The following SWT1 variants were observed in gnomAD, a reference collection of about 807,000 sequenced individuals.
The protein encoded by SWT1 is transcriptional protein SWT1.
A neutral mutation model predicts 107.3 loss-of-function variants in SWT1; 33 were observed. That is an observed-to-expected ratio of 0.31 (90% confidence interval 0.23 to 0.41). The LOEUF (loss-of-function observed/expected upper bound fraction) is 0.41, where lower values mean the gene tolerates loss of function less well. SWT1 is among the 10% of genes least tolerant of loss of function. The pLI is 1.00. For synonymous variants in SWT1, 345 were observed against 348.3 expected (o/e 0.99, Z 0.11); for missense variants, 898 against 1,028.9 (o/e 0.87, Z 1.74).
intron 9 of SWT1, among the ~76,000 whole-genome samples, chr1:185,185,226 G>A (rs1270373895): frequency 6.6e-6 from 1 of 152,118 alleles, no homozygotes; most frequent in African/African-American, 2.4e-5. Context: ...TACCATTGCT[G>A]AGTGATGAAG....
intron 16 of SWT1, among the ~76,000 whole-genome samples, chr1:185,255,377 G>C (rs927817073): frequency 1.4e-5 from 2 of 143,128 alleles, no homozygotes; most frequent in Non-Finnish European, 3.0e-5. Flanking sequence ...GTTGACAGTG[G>C]GGTGTTAAAA....
intron 16 of SWT1, among the ~76,000 whole-genome samples, chr1:185,255,836 G>T (rs1365172157): frequency 6.6e-6 from 1 of 151,720 alleles, no homozygotes; most frequent in African/African-American, 2.4e-5. Context: ...ATGTTAGCTG[G>T]TGATTTTGCT....
chr1:185,227,589 T>G, intron 15 of SWT1: 1 of 509,214 alleles, frequency 2.0e-6, no homozygotes. Flanking sequence ...TATCCTATTA[T>G]CACCAAGCGT....
intron 10 of SWT1, among the ~76,000 whole-genome samples, chr1:185,202,193 A>G (rs1297266348): frequency 6.6e-6 from 1 of 152,160 alleles, no homozygotes; most frequent in African/African-American, 2.4e-5. Flanking sequence ...TCTTTCAGCA[A>G]ACAGCAAGTT....
intron 5 of SWT1, chr1:185,176,468 G>A (rs1422557964): frequency 4.6e-6 from 3 of 650,120 alleles, no homozygotes; most frequent in Non-Finnish European, 5.7e-6. Flanking sequence ...AGAAAGCTTG[G>A]CACATCTATT....
At chr1:185,214,920 T>C (rs557274709) in intron 14 of SWT1, among the ~76,000 whole-genome samples, 1 of 152,324 alleles carries the variant, frequency 6.6e-6, no homozygotes, top group African/African-American at 2.4e-5. Flanking sequence ...AAGCTATGCA[T>C]GCTATTTGAC....
intron 10 of SWT1, among the ~76,000 whole-genome samples, chr1:185,199,330 T>G (rs1657674301): frequency 6.6e-6 from 1 of 152,222 alleles, no homozygotes; most frequent in African/African-American, 2.4e-5. Context: ...GTTGATGCAG[T>G]TTCTTCATAG....
chr1:185,291,068 T>C lies in SWT1; in HGVS notation c.*265T>C, dbSNP rs1665226120. 4.8e-6 allele frequency: 1 copy of C among 208,034 alleles called. No individual in the cohort carries two copies. Among genetic ancestry groups the C allele is most frequent in the African/African-American group, 2.3e-5 (1 of 43,232 alleles). The allele number at this position is 208,034 out of a possible 1,614,324, so 12.9% of individuals were successfully genotyped here. ...ATTCTTGATAGTGAGCCAGTATCTC[T>C]AAGGAAAGGAGAGCCGTATTTTTAG... is the stretch of plus-strand genomic sequence containing the variant. On this transcript the variant is annotated 3_prime_UTR_variant, in exon 19 of 19. Transcript: ENST00000367500.
At chr1:185,284,646 A>G (rs747782029) in intron 18 of SWT1, among the ~76,000 whole-genome samples, 3 of 152,220 alleles carry the variant, frequency 2.0e-5, no homozygotes, top group Non-Finnish European at 4.4e-5. Flanking sequence ...GGAATTCTCA[A>G]TAGTTGACAG....
chr1:185,219,334 T>C (rs1659457329), intron 14 of SWT1, among the ~76,000 whole-genome samples: 1 of 152,220 alleles, frequency 6.6e-6, no homozygotes, highest in Non-Finnish European at 1.5e-5. Flanking sequence ...TTATAAGATA[T>C]GGACCATCAT....
At chr1:185,207,620 G>A (rs550705044) in intron 13 of SWT1, among the ~76,000 whole-genome samples, 9 of 152,320 alleles carry the variant, frequency 5.9e-5, no homozygotes, top group African/African-American at 2.2e-4. Flanking sequence ...AAAAGGCAAA[G>A]ACTGGGCATG....
chr1:185,269,879 C>T (rs1663724474), intron 16 of SWT1, among the ~76,000 whole-genome samples: 1 of 152,100 alleles, frequency 6.6e-6, no homozygotes. Flanking sequence ...CTGATAAACT[C>T]ATCATAAATT....
intron 16 of SWT1, among the ~76,000 whole-genome samples, chr1:185,241,122 T>C (rs1008296199): frequency 1.3e-5 from 2 of 152,156 alleles, no homozygotes; most frequent in African/African-American, 4.8e-5. Flanking sequence ...GATAACACAC[T>C]TTAGGCTACT....
At chr1:185,238,201 G>A (rs1395326809) in intron 16 of SWT1, among the ~76,000 whole-genome samples, 2 of 152,008 alleles carry the variant, frequency 1.3e-5, no homozygotes, top group African/African-American at 4.8e-5. Flanking sequence ...GCTCAGGCTG[G>A]TCTTGAACTC....
At chr1:185,197,138 G>A (rs1002733929) in intron 10 of SWT1, among the ~76,000 whole-genome samples, 4 of 151,898 alleles carry the variant, frequency 2.6e-5, no homozygotes, top group African/African-American at 4.8e-5. Context: ...TCTCAAACTC[G>A]TTCCACCGAG....
rs531262190 is a variant in SWT1, at chr1:185,256,508, C to T, written c.2442-14815C>T. Reference sequence around the variant, plus strand: ...TTTATTCTTTTTTCTCTAAACTTGCCTTCTCGCTTCATTTCATTCATTTCA... The same window carrying T: ...TTTATTCTTTTTTCTCTAAACTTGCTTTCTCGCTTCATTTCATTCATTTCA... On this transcript the variant is annotated intron_variant, in intron 16 of 18. Transcript: ENST00000367500. Among the ~76,000 whole-genome samples the T allele has an allele frequency of 1.2e-3, 174 of 150,720 alleles. No homozygotes were observed. The South Asian group carries it at 0.02, about 18-fold the overall frequency.
chr1:185,214,727 A>G (rs1162805668), intron 14 of SWT1, 72 bp downstream of exon 14: 2 of 1,251,912 alleles, frequency 1.6e-6, no homozygotes, highest in Non-Finnish European at 2.2e-6. Context: ...AGCAGACAAC[A>G]GTAGGTAAAG....
intron 2 of SWT1, among the ~76,000 whole-genome samples, chr1:185,163,863 G>T (rs1654361824): frequency 6.6e-6 from 1 of 152,090 alleles, no homozygotes; most frequent in Non-Finnish European, 1.5e-5. Context: ...TTGGTATTTT[G>T]ACCTACTCCC....
chr1:185,259,554 C>G (rs1662879410), intron 16 of SWT1, among the ~76,000 whole-genome samples: 1 of 152,100 alleles, frequency 6.6e-6, no homozygotes, highest in Non-Finnish European at 1.5e-5. Flanking sequence ...ATGTTGAGAT[C>G]AGTAACTGTC....
Sources: allele counts gnomAD v4.1 joint callset (sites outside exome capture counted in the v4.1 genomes callset), GRCh38; gene constraint gnomAD v4.1.1; transcripts MANE v1.5; gene names NCBI Gene and HGNC (gene_info 2026-07-23, HGNC 2026-07-21).